TENM2: variants seen among roughly 807,000 people sequenced by gnomAD.
TENM2 encodes the protein teneurin-2.
In TENM2, 52 loss-of-function variants were observed where a neutral mutation model predicts 245.2. That is an observed-to-expected ratio of 0.21 (90% CI 0.17 to 0.27). The LOEUF (loss-of-function observed/expected upper bound fraction) is 0.27, where lower values mean the gene tolerates loss of function less well. Ranked by LOEUF, TENM2 falls within the 10% of genes least tolerant of loss-of-function variation. The pLI, the probability that TENM2 is intolerant of heterozygous loss-of-function variation, is 1.00. For synonymous variants in TENM2, 1,363 were observed against 1,438.9 expected (o/e 0.95, Z 1.19); for missense variants, 3,046 against 3,666.8 (o/e 0.83, Z 4.37).
intron 8 of TENM2, among the ~76,000 whole-genome samples, chr5:168,094,998 C>T (rs1793245346): frequency 6.6e-6 from 1 of 151,672 alleles, no homozygotes; most frequent in Non-Finnish European, 1.5e-5. Flanking sequence ...GATGATCTGT[C>T]ACTGTCTCCC....
intron 2 of TENM2, among the ~76,000 whole-genome samples, chr5:167,719,488 A>G (rs1434062387): frequency 6.6e-6 from 1 of 152,240 alleles, no homozygotes; most frequent in Non-Finnish European, 1.5e-5. Flanking sequence ...TTTCCACAGG[A>G]AAAGATGTGT....
the TENM2 span, among the ~76,000 whole-genome samples, chr5:167,166,818 T>G: frequency 6.6e-6 from 1 of 152,134 alleles, no homozygotes; most frequent in East Asian, 1.9e-4. Context: ...AATGTCACAT[T>G]CTTTTGTTGG....
chr5:167,815,191 A>C (rs1321605488), intron 2 of TENM2, among the ~76,000 whole-genome samples: 1 of 152,150 alleles, frequency 6.6e-6, no homozygotes, highest in Admixed American at 6.6e-5. Context: ...TGTGACTTTC[A>C]TAAGGCAGGA....
At chr5:167,406,247 A>G (rs1762632445) in intron 2 of TENM2, among the ~76,000 whole-genome samples, 1 of 152,138 alleles carries the variant, frequency 6.6e-6, no homozygotes, top group African/African-American at 2.4e-5. Flanking sequence ...CGGGATGTTT[A>G]ATGATGGGTT....
chr5:167,247,565 T>C, the TENM2 span, among the ~76,000 whole-genome samples: 2 of 152,122 alleles, frequency 1.3e-5, no homozygotes, highest in Non-Finnish European at 2.9e-5. Flanking sequence ...CAAAGCAATA[T>C]GGAATCACAT....
At chr5:167,969,676 C>T (rs1250233025) in intron 4 of TENM2, among the ~76,000 whole-genome samples, 3 of 152,176 alleles carry the variant, frequency 2.0e-5, no homozygotes, top group South Asian at 2.1e-4. Flanking sequence ...TTTCTACCAT[C>T]GCTGTTATGT....
the TENM2 span, among the ~76,000 whole-genome samples, chr5:167,145,351 C>T: frequency 6.6e-6 from 1 of 152,132 alleles, no homozygotes; most frequent in Non-Finnish European, 1.5e-5. Context: ...TATTAACCCT[C>T]TCAGTTTCTC....
At chr5:168,206,149 C>T (rs934401632) in intron 19 of TENM2, among the ~76,000 whole-genome samples, 3 of 152,260 alleles carry the variant, frequency 2.0e-5, no homozygotes, top group Non-Finnish European at 4.4e-5. Context: ...CTCAGCCTCT[C>T]TCCTAGAAGG....
intron 2 of TENM2, among the ~76,000 whole-genome samples, chr5:167,655,536 C>G (rs1236968800): frequency 6.6e-6 from 1 of 152,178 alleles, no homozygotes; most frequent in Non-Finnish European, 1.5e-5. Flanking sequence ...TACACATATT[C>G]TGGGCCAATT....
chr5:167,027,945 C>G, the TENM2 span, among the ~76,000 whole-genome samples: 1 of 151,828 alleles, frequency 6.6e-6, no homozygotes, highest in Non-Finnish European at 1.5e-5. Flanking sequence ...GTGGCGCACA[C>G]CTGTAATCCC....
At chr5:167,739,833 A>C (rs953427471) in intron 2 of TENM2, among the ~76,000 whole-genome samples, 1 of 152,148 alleles carries the variant, frequency 6.6e-6, no homozygotes, top group South Asian at 2.1e-4. Flanking sequence ...TACCTTGAGC[A>C]CTGAAATGAC....
intron 2 of TENM2, among the ~76,000 whole-genome samples, chr5:167,408,791 CAT>C (rs545446465): frequency 2.7e-5 from 4 of 149,292 alleles, no homozygotes; most frequent in South Asian, 2.1e-4. Context: ...AAATCTTATA[CAT>C]ATATATATAT....
At chr5:167,921,922 C>G (rs1388843869) in intron 3 of TENM2, among the ~76,000 whole-genome samples, 1 of 152,054 alleles carries the variant, frequency 6.6e-6, no homozygotes, top group Non-Finnish European at 1.5e-5. Context: ...CTCTGGCTAC[C>G]AAAGCTTGCA....
At chr5:167,602,748 A>G (rs1230787614) in intron 2 of TENM2, among the ~76,000 whole-genome samples, 1 of 152,238 alleles carries the variant, frequency 6.6e-6, no homozygotes, top group Non-Finnish European at 1.5e-5. Context: ...GGAAACTTCA[A>G]TAAGTGGAAC....
chr5:167,930,355 T>G (rs1384761835), intron 3 of TENM2, among the ~76,000 whole-genome samples: 1 of 152,224 alleles, frequency 6.6e-6, no homozygotes, highest in East Asian at 1.9e-4. Flanking sequence ...TGATAATATA[T>G]GAAGAATCAA....
At chr5:167,343,158 G>T (rs542609297) in intron 1 of TENM2, among the ~76,000 whole-genome samples, 1 of 152,188 alleles carries the variant, frequency 6.6e-6, no homozygotes, top group Non-Finnish European at 1.5e-5. Flanking sequence ...GTGTCCCTTT[G>T]CTATACACCC....
intron 2 of TENM2, among the ~76,000 whole-genome samples, chr5:167,556,649 A>T (rs1477309232): frequency 6.6e-6 from 1 of 152,122 alleles, no homozygotes; most frequent in African/African-American, 2.4e-5. Context: ...TTCTCTAGCC[A>T]CCATAGTAGG....
At chr5:167,391,344 G>C (rs1260246406) in intron 2 of TENM2, among the ~76,000 whole-genome samples, 1 of 152,072 alleles carries the variant, frequency 6.6e-6, no homozygotes, top group Non-Finnish European at 1.5e-5. Context: ...AAGAGCTCTT[G>C]GGTGGGCATA....
chr5:167,066,640 T>C, the TENM2 span, among the ~76,000 whole-genome samples: 3 of 151,714 alleles, frequency 2.0e-5, no homozygotes, highest in Non-Finnish European at 1.5e-5. Flanking sequence ...TATGTCCTTA[T>C]ATATTTCATG....
Sources: allele counts gnomAD v4.1 joint callset (sites outside exome capture counted in the v4.1 genomes callset), GRCh38; gene constraint gnomAD v4.1.1; transcripts MANE v1.5; gene names NCBI Gene and HGNC (gene_info 2026-07-23, HGNC 2026-07-21).